Variants in OPCML observed in about 807,000 individuals in gnomAD.
OPCML encodes opioid-binding protein/cell adhesion molecule.
A neutral mutation model predicts 37.8 loss-of-function variants in OPCML; 13 were observed. The observed-to-expected ratio is 0.34, with a 90% CI of 0.22 to 0.55. The LOEUF (loss-of-function observed/expected upper bound fraction) is 0.55, where lower values mean the gene tolerates loss of function less well. Ranked by LOEUF, OPCML falls within the 20% of genes least tolerant of loss-of-function variation. The probability of loss-of-function intolerance (pLI) is 0.91; values close to 1 mark genes in which losing one functional copy is unlikely to be tolerated. For synonymous variants in OPCML, 176 were observed against 168.8 expected, an observed-to-expected ratio of 1.04 and a Z score of -0.33; for missense variants, 341 against 435.6, an observed-to-expected ratio of 0.78 and a Z score of 1.93.
intron 1 of OPCML, among the ~76,000 whole-genome samples, chr11:133,151,279 A>G (rs924981709): frequency 6.6e-6 from 1 of 151,872 alleles, no homozygotes; most frequent in Admixed American, 6.6e-5. Context: ...TCTCAATAAT[A>G]ATAATAATAA....
At chr11:133,161,985 C>CATTTTT (rs1950148014) in intron 1 of OPCML, among the ~76,000 whole-genome samples, 1 of 85,482 alleles carries the variant, frequency 1.2e-5, no homozygotes, top group East Asian at 3.6e-4. Context: ...CAGTCTCTGT[C>CATTTTT]TTTTTTTTTT....
At chr11:132,574,040 C>T (rs1326459453) in intron 3 of OPCML, among the ~76,000 whole-genome samples, 1 of 151,722 alleles carries the variant, frequency 6.6e-6, no homozygotes, top group East Asian at 1.9e-4. Flanking sequence ...CTTTCATGTT[C>T]TTTTTTATTT....
At chr11:133,297,397 C>A (rs1565556595) in intron 1 of OPCML, 2 of 152,144 alleles carry the variant, frequency 1.3e-5, no homozygotes, top group Non-Finnish European at 2.9e-5. Flanking sequence ...AGGCCATGCA[C>A]CCTGCTGTTT....
intron 1 of OPCML, among the ~76,000 whole-genome samples, chr11:133,267,905 T>C (rs1458354701): frequency 2.0e-5 from 3 of 152,236 alleles, no homozygotes; most frequent in Non-Finnish European, 2.9e-5. Flanking sequence ...TCCCCAGCCA[T>C]GTGGAACTGT....
intron 1 of OPCML, among the ~76,000 whole-genome samples, chr11:133,110,901 C>A (rs957135382): frequency 1.3e-5 from 2 of 152,162 alleles, no homozygotes; most frequent in African/African-American, 4.8e-5. Flanking sequence ...ACTCTGAACA[C>A]TCATTAACCC....
intron 4 of OPCML, among the ~76,000 whole-genome samples, chr11:132,442,126 A>C (rs2136783534): frequency 6.6e-6 from 1 of 152,284 alleles, no homozygotes; most frequent in African/African-American, 2.4e-5. Flanking sequence ...AATATGGAAA[A>C]CAAGGATCTT....
chr11:132,638,979 G>T (rs893361305), intron 3 of OPCML, among the ~76,000 whole-genome samples: 9 of 152,164 alleles, frequency 5.9e-5, no homozygotes, highest in African/African-American at 1.7e-4. Flanking sequence ...GGAAGAATTT[G>T]TTGGGTGACT....
chr11:133,335,240 A>G (rs938956199), intron 1 of OPCML, among the ~76,000 whole-genome samples: 68 of 152,202 alleles, frequency 4.5e-4, no homozygotes, highest in African/African-American at 1.6e-3. Flanking sequence ...TTCATTTTAT[A>G]ATAAAGGAAG....
At chr11:133,140,745 CGAGGAA>C (rs1949772069) in intron 1 of OPCML, among the ~76,000 whole-genome samples, 1 of 80,300 alleles carries the variant, frequency 1.2e-5, no homozygotes, top group Non-Finnish European at 2.7e-5. Context: ...ACGACGACGA[CGAGGAA>C]GAAGAAGACG....
At position 133,146,365 on chromosome 11, in the gene OPCML, A is replaced by T. The variant is rs192746859; in HGVS notation, c.62-203355T>A. ...GTTTCTCTCTTGTCGCCCAGGCTGG[A>T]GTGCAATGGCACAATCTTGGCTCAC... is the stretch of plus-strand genomic sequence containing the variant. On this transcript the variant is annotated intron_variant, in intron 1 of 7. Transcript: ENST00000524381. 3.8e-3 allele frequency among the ~76,000 whole-genome samples: 533 copies of T among 140,556 alleles called. 3 individuals are homozygous for T. The highest frequency in any genetic ancestry group is 0.028 in the Middle Eastern group (7 of 248). The allele number at this position is 140,556 out of a possible 152,430, so 92.2% of individuals were successfully genotyped here.
chr11:133,514,852 T>A (rs1166063110), intron 1 of OPCML, among the ~76,000 whole-genome samples: 2 of 152,202 alleles, frequency 1.3e-5, no homozygotes, highest in Non-Finnish European at 2.9e-5. Flanking sequence ...CCTAAGAAAG[T>A]TGCTGGAACC....
chr11:132,715,905 A>G (rs529861839), intron 2 of OPCML, among the ~76,000 whole-genome samples: 348 of 152,314 alleles, frequency 2.3e-3, no homozygotes, highest in Non-Finnish European at 4.2e-3. Flanking sequence ...TGTGAAGTGG[A>G]TGACCCACAG....
intron 2 of OPCML, among the ~76,000 whole-genome samples, chr11:132,684,361 C>G (rs2135863871): frequency 6.6e-6 from 1 of 152,198 alleles, no homozygotes; most frequent in Admixed American, 6.5e-5. Flanking sequence ...TGTGTCCCAG[C>G]AAATATAGTA....
rs140245972 is a variant in OPCML at position 133,293,205 on chromosome 11, C to A, written c.61+239059G>T. ...ACTGCAGAGCCTGAGCAGACACATGCAAAGGACAGTCACGGCACCCCACGC... is the reference window on the plus strand; with the variant it reads ...ACTGCAGAGCCTGAGCAGACACATGAAAAGGACAGTCACGGCACCCCACGC... On this transcript the variant is annotated intron_variant, in intron 1 of 7. Coordinates refer to ENST00000524381, the MANE Select transcript of OPCML (RefSeq NM_001012393.5). Among the ~76,000 whole-genome samples, 826 of 151,782 alleles carry A rather than the reference C, an allele frequency of 5.4e-3. 13 individuals are homozygous for A. Among genetic ancestry groups the A allele is most frequent in the African/African-American group, 0.019 (778 of 41,392 alleles).
intron 4 of OPCML, among the ~76,000 whole-genome samples, chr11:132,442,830 C>T (rs776363813): frequency 6.6e-6 from 1 of 152,146 alleles, no homozygotes; most frequent in African/African-American, 2.4e-5. Flanking sequence ...GTGAGGCTTC[C>T]CCAGCCATGT....
In OPCML at chr11:133,211,786, T is replaced by C. The variant is rs539458007; in HGVS notation, c.62-268776A>G. On this transcript the variant is annotated intron_variant, in intron 1 of 7. Coordinates refer to ENST00000524381, the MANE Select transcript of OPCML (RefSeq NM_001012393.5). This position sits in a 1 kb window ranked among gnomAD's most constrained non-coding sequence, Gnocchi z 4.1. ...ATCACAACACGCTTTTCACAATTTT[T>C]TTAAGTCTTACAACAATCCTAATAA... Among the ~76,000 whole-genome samples, 1 of 152,336 alleles carries C rather than the reference T, an allele frequency of 6.6e-6. No homozygotes were observed. Among genetic ancestry groups the C allele is most frequent in the African/African-American group, 2.4e-5 (1 of 41,574 alleles).
At chr11:133,311,097 G>A (rs191600047) in intron 1 of OPCML, among the ~76,000 whole-genome samples, 2 of 152,242 alleles carry the variant, frequency 1.3e-5, no homozygotes, top group African/African-American at 2.4e-5. Context: ...ATTGTACTCA[G>A]AATCCTGTTT....
intron 3 of OPCML, chr11:132,529,431 A>C (rs934822103): frequency 6.5e-6 from 1 of 154,588 alleles, no homozygotes; most frequent in Non-Finnish European, 1.4e-5. Context: ...GGTGGGAAGC[A>C]GAGGAATTGA....
At chr11:133,378,062 G>A (rs1944854729) in intron 1 of OPCML, among the ~76,000 whole-genome samples, 1 of 152,194 alleles carries the variant, frequency 6.6e-6, no homozygotes, top group Non-Finnish European at 1.5e-5. Context: ...GACACTGGAA[G>A]CCATATAGCT....
Sources: allele counts gnomAD v4.1 joint callset (sites outside exome capture counted in the v4.1 genomes callset), GRCh38; gene constraint gnomAD v4.1.1; non-coding constraint Gnocchi (gnomAD v3.1); transcripts MANE v1.5; gene names NCBI Gene and HGNC (gene_info 2026-07-23, HGNC 2026-07-21).